The following DOCK8 variants were observed in gnomAD, a reference collection of about 807,000 sequenced individuals.
DOCK8 encodes the protein dedicator of cytokinesis 8.
In DOCK8, 141 loss-of-function variants were observed where a neutral mutation model predicts 245.6. The ratio of observed to expected loss-of-function variants is 0.57; its 90% CI spans 0.50 to 0.66. The LOEUF is 0.66. Among genes scored for constraint, DOCK8 ranks in the 30% least tolerant of loss-of-function variants. The pLI, the probability that DOCK8 is intolerant of heterozygous loss-of-function variation, is 0.00. For missense variants in DOCK8, 2,965 were observed against 2,603.4 expected, an observed-to-expected ratio of 1.14 and a Z score of -3.02; for synonymous variants, 1,168 against 970.2, an observed-to-expected ratio of 1.20 and a Z score of -3.79.
chr9:461,776 A>G (rs1016461213), intron 46 of DOCK8, among the ~76,000 whole-genome samples: 2 of 151,926 alleles, frequency 1.3e-5, no homozygotes, highest in Non-Finnish European at 1.5e-5. Context: ...TTGTGAGCTC[A>G]GGCAATCCAC....
At chr9:299,711 G>T (rs1030152205) in intron 4 of DOCK8, among the ~76,000 whole-genome samples, 9 of 151,916 alleles carry the variant, frequency 5.9e-5, no homozygotes, top group African/African-American at 2.2e-4. Context: ...AATTCAAGCG[G>T]CCAGGGGATG....
chr9:386,656 C>T (rs914891093), intron 23 of DOCK8, among the ~76,000 whole-genome samples: 7 of 152,192 alleles, frequency 4.6e-5, no homozygotes, highest in African/African-American at 1.7e-4. Flanking sequence ...TCAGAATTAC[C>T]TGGAAGCCTT....
rs748853895 is a variant in DOCK8 at position 304,573 on chromosome 9, C to G, written c.405-8C>G. 2.5e-5 allele frequency: 41 copies of G among 1,613,860 alleles called. No individual in the cohort carries two copies. The Admixed American group carries it at 6.5e-4, about 26-fold the overall frequency. ...TTCTCTCTCCAAATTAAATATCAAC[C>G]ATAAAAGAAACCAAGGAAGTCCAGA... On this transcript the variant is annotated splice_region_variant and splice_polypyrimidine_tract_variant and intron_variant, in intron 4 of 47. Coordinates refer to ENST00000432829, the MANE Select transcript of DOCK8 (RefSeq NM_203447.4).
At chr9:240,439 A>G (rs115989231) in intron 1 of DOCK8, among the ~76,000 whole-genome samples, 2 of 151,816 alleles carry the variant, frequency 1.3e-5, no homozygotes, top group Non-Finnish European at 2.9e-5. Context: ...GGCCATCTTC[A>G]TATGCACTAC....
At chr9:278,573 A>C (rs1043608725) in intron 2 of DOCK8, among the ~76,000 whole-genome samples, 1 of 152,216 alleles carries the variant, frequency 6.6e-6, no homozygotes, top group Non-Finnish European at 1.5e-5. Context: ...TGAAGAATGA[A>C]ATCGTGACCC....
intron 8 of DOCK8, among the ~76,000 whole-genome samples, chr9:326,766 C>G (rs1351359786): frequency 2.0e-5 from 3 of 152,096 alleles, no homozygotes; most frequent in Non-Finnish European, 4.4e-5. Flanking sequence ...CATTGCTGCC[C>G]CTGAAGAAGA....
intron 26 of DOCK8, among the ~76,000 whole-genome samples, chr9:400,030 A>T (rs886893268): frequency 0.23 from 19,241 of 83,526 alleles, 3,123 homozygotes; most frequent in East Asian, 0.46. Flanking sequence ...CACCTCCACC[A>T]TCACCACCAC....
At chr9:298,216 G>A (rs941988311) in intron 4 of DOCK8, among the ~76,000 whole-genome samples, 3 of 152,186 alleles carry the variant, frequency 2.0e-5, no homozygotes, top group African/African-American at 7.2e-5. Context: ...CCTGAGGTCA[G>A]GAGTTCGAGA....
At chr9:270,624 A>C (rs1006984937) in intron 1 of DOCK8, among the ~76,000 whole-genome samples, 5 of 152,358 alleles carry the variant, frequency 3.3e-5, no homozygotes, top group African/African-American at 1.2e-4. Context: ...TTCACAGAGA[A>C]AACATAATAC....
At chr9:456,330 C>T (rs1023754582) in intron 46 of DOCK8, 4 of 152,172 alleles carry the variant, frequency 2.6e-5, no homozygotes, top group Non-Finnish European at 4.4e-5. Flanking sequence ...TTTTCTCCTC[C>T]ACTCTGCTAA....
At chr9:415,240 A>G (rs1411370774) in intron 29 of DOCK8, among the ~76,000 whole-genome samples, 1 of 152,206 alleles carries the variant, frequency 6.6e-6, no homozygotes, top group Non-Finnish European at 1.5e-5. Context: ...TAAACCATAC[A>G]CCACAAAGGA....
At chr9:259,308 G>GA (rs753080395) in intron 1 of DOCK8, among the ~76,000 whole-genome samples, 13 of 151,650 alleles carry the variant, frequency 8.6e-5, no homozygotes, top group Non-Finnish European at 1.6e-4. Context: ...TCTCAAAAAA[G>GA]AAAAAAAATT....
At chr9:257,675 A>T (rs1554647432) in intron 1 of DOCK8, among the ~76,000 whole-genome samples, 1 of 152,070 alleles carries the variant, frequency 6.6e-6, no homozygotes, top group Non-Finnish European at 1.5e-5. Context: ...ATGTGCCACC[A>T]GCCCAGCTAA....
Position 429,213 on chromosome 9 carries a change from T to C in DOCK8, c.4474-489T>C, listed in dbSNP as rs188625240. Among the ~76,000 whole-genome samples the C allele has an allele frequency of 5.1e-3, 775 of 152,320 alleles. 7 individuals carry two copies. Among genetic ancestry groups the C allele is most frequent in the East Asian group, 0.034 (174 of 5,186 alleles). The stretch of plus-strand genomic sequence containing the variant: ...AACTCCTGACCTCAAGTGATCCACC[T>C]GCCTCAGCCTCCCAAAGCACTGGGA... On this transcript the variant is annotated intron_variant, in intron 35 of 47. Transcript: ENST00000432829.
Position 271,170 on chromosome 9 carries a change from C to T in DOCK8, c.54-457C>T, listed in dbSNP as rs370972938. ...AGGTAGAAGTATTCATACAACAGTT[C>T]TCTGGTGTTCTCTGTTGTAGCAACC... On this transcript the variant is annotated intron_variant, in intron 1 of 47. Transcript: ENST00000432829. Among the ~76,000 whole-genome samples the T allele has an allele frequency of 2.9e-3, 444 of 152,324 alleles. 4 individuals carry two copies. The highest frequency in any genetic ancestry group is 9.9e-3 in the African/African-American group (412 of 41,578).
At chr9:424,517 C>T (rs992582451) in intron 33 of DOCK8, among the ~76,000 whole-genome samples, 15 of 152,222 alleles carry the variant, frequency 9.9e-5, no homozygotes, top group Admixed American at 9.8e-4. Context: ...TCAAACAATC[C>T]TCCCACCTCA....
intron 46 of DOCK8, among the ~76,000 whole-genome samples, chr9:462,859 G>C (rs535230488): frequency 6.6e-6 from 1 of 152,302 alleles, no homozygotes; most frequent in Non-Finnish European, 1.5e-5. Context: ...TCTGCAGTGT[G>C]TTTTGAGTCT....
chr9:214,287 G>A (rs1488665055), upstream of DOCK8: 1 of 534,820 alleles, frequency 1.9e-6, no homozygotes, highest in East Asian at 3.6e-5. Context: ...TGTTTCTCCG[G>A]AGAAAAGCAT....
chr9:334,016 G>T lies in DOCK8; in HGVS notation c.1126-209G>T, dbSNP rs10813812. ...AATGTAGCCTTTTTGTAAACTCCTC[G>T]TTTTTTAATCTTTATTTCCTTATCA... is the stretch of plus-strand genomic sequence containing the variant. On this transcript the variant is annotated intron_variant, in intron 10 of 47. Transcript: ENST00000432829. 0.11 allele frequency among the ~76,000 whole-genome samples: 16,067 copies of T among 148,490 alleles called. 936 individuals carry two copies. Among genetic ancestry groups the T allele is most frequent in the Admixed American group, 0.13 (1,849 of 14,692 alleles).
Sources: allele counts gnomAD v4.1 joint callset (sites outside exome capture counted in the v4.1 genomes callset), GRCh38; gene constraint gnomAD v4.1.1; transcripts MANE v1.5; gene names NCBI Gene and HGNC (gene_info 2026-07-23, HGNC 2026-07-21).